The following DDX54 variants were observed in gnomAD, a reference collection of about 807,000 sequenced individuals.
DDX54 encodes DEAD-box helicase 54, also known as ATP-dependent RNA helicase DDX54.
In DDX54, 67 loss-of-function variants were observed where a neutral mutation model predicts 105.5. The ratio of observed to expected loss-of-function variants is 0.64; its 90% CI spans 0.52 to 0.78. The LOEUF is 0.78. DDX54 is among the 30% of genes least tolerant of loss of function. DDX54 has a pLI of 0.00. For missense variants in DDX54, 1,206 were observed against 1,230.5 expected (o/e 0.98, Z 0.30); for synonymous variants, 514 against 509.9 (o/e 1.01, Z -0.11).
intron 12 of DDX54, among the ~76,000 whole-genome samples, chr12:113,167,592 G>C (rs1299730851): frequency 6.6e-6 from 1 of 152,196 alleles, no homozygotes; most frequent in Non-Finnish European, 1.5e-5. Context: ...CACGTGGTAA[G>C]GGTCAGGGTC....
At position 113,167,603 on chromosome 12, in the gene DDX54, G is replaced by A. The variant is rs905883395; in HGVS notation, c.1415-1571C>T. ...GGGGCACGTGGTAAGGGTCAGGGTCGGAAACCGAACCCTGCACTGGGTCAG... is the reference window on the plus strand; with the variant it reads ...GGGGCACGTGGTAAGGGTCAGGGTCAGAAACCGAACCCTGCACTGGGTCAG... On this transcript the variant is annotated intron_variant, in intron 12 of 19. Coordinates refer to ENST00000306014, the MANE Select transcript of DDX54 (RefSeq NM_024072.4). Among the ~76,000 whole-genome samples, 10 of 152,284 alleles carry A rather than the reference G, an allele frequency of 6.6e-5. 1 individual carries two copies. Among genetic ancestry groups the A allele is most frequent in the South Asian group, 2.1e-4 (1 of 4,826 alleles).
At chr12:113,174,404 T>G (rs1365442097) in intron 10 of DDX54, among the ~76,000 whole-genome samples, 1 of 152,068 alleles carries the variant, frequency 6.6e-6, no homozygotes, top group Non-Finnish European at 1.5e-5. Flanking sequence ...GGAGAATTGT[T>G]TGAGCCTGGA....
At chr12:113,173,704 C>T (rs755845211) in intron 10 of DDX54, among the ~76,000 whole-genome samples, 4 of 152,146 alleles carry the variant, frequency 2.6e-5, no homozygotes, top group Non-Finnish European at 5.9e-5. Flanking sequence ...AAACCACATA[C>T]TAAAAATCTA....
intron 12 of DDX54, among the ~76,000 whole-genome samples, chr12:113,169,182 ATTG>A (rs1192932777): frequency 6.6e-6 from 1 of 151,938 alleles, no homozygotes; most frequent in African/African-American, 2.4e-5. Context: ...AGAAATCTGG[ATTG>A]TTGTGGGAAA....
chr12:113,161,851 C>T, intron 18 of DDX54, 42 bp downstream of exon 18: 1 of 1,278,150 alleles, frequency 7.8e-7, no homozygotes, highest in Non-Finnish European at 1.0e-6. Flanking sequence ...CCTGCTGAAG[C>T]TCCTCGGCCC....
intron 1 of DDX54, among the ~76,000 whole-genome samples, chr12:113,181,718 C>T (rs1430636463): frequency 6.6e-6 from 1 of 151,446 alleles, no homozygotes; most frequent in African/African-American, 2.4e-5. Flanking sequence ...CAACCAATCT[C>T]CTTTCTGATC....
intron 11 of DDX54, among the ~76,000 whole-genome samples, chr12:113,171,593 G>T (rs1190935522): frequency 1.4e-5 from 2 of 145,800 alleles, no homozygotes; most frequent in Admixed American, 1.4e-4. Flanking sequence ...TACAAAGCAA[G>T]ACTCTCAAAA....
In DDX54 at chr12:113,162,924, T is replaced by C. The variant is rs150182099; in HGVS notation, c.2195+8A>G. 4.4e-4 allele frequency: 694 copies of C among 1,583,868 alleles called. No individual in the cohort carries two copies. Among genetic ancestry groups the C allele is most frequent in the Non-Finnish European group, 5.4e-4 (629 of 1,169,806 alleles). ...GAGCATGGAGGGGCGGCTCACTCGA[T>C]CACTCACCACTTGAGCTGCTGCCGG... On this transcript the variant is annotated splice_region_variant and intron_variant, in intron 17 of 19. Coordinates refer to ENST00000306014, the MANE Select transcript of DDX54 (RefSeq NM_024072.4).
In DDX54 at chr12:113,185,332, G is replaced by A. The variant is rs1261336061; in HGVS notation, c.120C>T (p.Asp40=). ...GGATCTCAAACTCGCCGTCCTCCGA[G>A]TCGCTGCCGCGGGCCTGGGAGGCCG... ...RGAASQARGS[D]SEDGEFEIQA... The change falls in exon 1 of 20, where the codon GAC becomes GAT. Residue 40 remains aspartate, a synonymous_variant. Transcript: ENST00000306014. 2 of 1,587,032 alleles carry A rather than the reference G, an allele frequency of 1.3e-6. No homozygotes were observed. The highest frequency in any genetic ancestry group is 2.7e-5 in the African/African-American group (2 of 72,994).
At chr12:113,180,827 C>A in intron 2 of DDX54, 102 bp downstream of exon 2, 1 of 1,566,088 alleles carries the variant, frequency 6.4e-7, no homozygotes. Flanking sequence ...TCTACCCAAC[C>A]ACAGTGCTGG....
chr12:113,180,804 T>A (rs2084592358), intron 2 of DDX54, 125 bp downstream of exon 2: 1 of 1,497,730 alleles, frequency 6.7e-7, no homozygotes, highest in South Asian at 1.2e-5. Context: ...GAGGACCACA[T>A]CTGCTACCCC....
intron 2 of DDX54, 47 bp from the exon 3 acceptor site, chr12:113,180,052 C>A (rs202097002): frequency 6.3e-7 from 1 of 1,582,340 alleles, no homozygotes; most frequent in Non-Finnish European, 8.7e-7. Flanking sequence ...GTCCCCACAG[C>A]ACCAACCCCA....
At chr12:113,184,952 G>A (rs1454028762) in intron 1 of DDX54, among the ~76,000 whole-genome samples, 5 of 152,196 alleles carry the variant, frequency 3.3e-5, no homozygotes, top group Admixed American at 1.3e-4. Flanking sequence ...CAGATCTTCT[G>A]CACCCGCACT....
At chr12:113,167,546 C>T (rs1307898442) in intron 12 of DDX54, among the ~76,000 whole-genome samples, 2 of 152,188 alleles carry the variant, frequency 1.3e-5, no homozygotes, top group South Asian at 2.1e-4. Flanking sequence ...GAGGAGGAAA[C>T]TGAGGCTCCT....
chr12:113,185,067 G>C lies in DDX54; in HGVS notation c.174+211C>G, dbSNP rs1051782529. ...AGGAAGGCCCGCAGGCTCCAGCCCC[G>C]GGATCCCAAGGCTCTGGCCGCGGAA... On this transcript the variant is annotated intron_variant, in intron 1 of 19. Coordinates refer to ENST00000306014, the MANE Select transcript of DDX54 (RefSeq NM_024072.4). Among the ~76,000 whole-genome samples, 24 of 152,188 alleles carry C rather than the reference G, an allele frequency of 1.6e-4. 1 individual carries two copies. The highest frequency in any genetic ancestry group is 5.5e-4 in the African/African-American group (23 of 41,458).
chr12:113,166,030 C>T lies in DDX54; in HGVS notation c.1417G>A (p.Val473Met). The change falls in exon 13 of 20, where the codon GTG becomes ATG. Residue 473 changes from valine to methionine, a missense_variant and splice_region_variant. Transcript: ENST00000306014. ...CCCAGCATGCCATCCACACCGGCCA[C>T]ACCTGCACCCCACACAGCACCTTGT... ...LARPLKEPSGVAGVDGMLGRV... is the reference protein window; with the variant it reads ...LARPLKEPSGMAGVDGMLGRV... 1 of 1,603,600 alleles carries T rather than the reference C, an allele frequency of 6.2e-7. No individual in the cohort carries two copies. Among genetic ancestry groups the T allele is most frequent in the Non-Finnish European group, 8.5e-7 (1 of 1,179,550 alleles).
chr12:113,169,225 G>A (rs974683545), intron 12 of DDX54, among the ~76,000 whole-genome samples: 1 of 151,356 alleles, frequency 6.6e-6, no homozygotes, highest in African/African-American at 2.4e-5. Flanking sequence ...GGATTAGCCA[G>A]GCATAGTGGC....
rs769045354 is a variant in DDX54, at chr12:113,169,868, T to C, written c.1316A>G (p.Tyr439Cys). ...GATTTCATCAGGGGCCACCAAGGAG[T>C]AGGCTGTGCCACTTCGGCCAGCCCG... Reference protein sequence around the residue: ...VARAGRSGTAYSLVAPDEIPY... With the variant: ...VARAGRSGTACSLVAPDEIPY... The change falls in exon 12 of 20, where the codon TAC (tyrosine) becomes TGC (cysteine). Residue 439 changes from tyrosine (Y) to cysteine (C), a missense_variant. By Grantham distance (194) the Tyr-to-Cys change is radical (BLOSUM62 -2). This residue lies in a region of DDX54 where 961 missense variants were observed against 1,019.1 expected (regional missense o/e 0.94). Coordinates refer to ENST00000306014, the MANE Select transcript of DDX54 (RefSeq NM_024072.4). 1 of 1,613,134 alleles carries C rather than the reference T, an allele frequency of 6.2e-7. No individual in the cohort carries two copies. The highest frequency in any genetic ancestry group is 1.1e-5 in the South Asian group (1 of 91,044).
chr12:113,166,599 G>A (rs146609141), intron 12 of DDX54, among the ~76,000 whole-genome samples: 9 of 152,250 alleles, frequency 5.9e-5, no homozygotes, highest in Non-Finnish European at 1.3e-4. Context: ...ACTACTCAGG[G>A]GGTGAGACAG....
Sources: allele counts gnomAD v4.1 joint callset (sites outside exome capture counted in the v4.1 genomes callset), GRCh38; gene constraint gnomAD v4.1.1; regional missense constraint gnomAD v4.1.1; transcripts MANE v1.5; gene names NCBI Gene and HGNC (gene_info 2026-07-23, HGNC 2026-07-21).